Variants in PRKG1 observed in about 807,000 individuals in gnomAD.
The protein encoded by PRKG1 is cGMP-dependent protein kinase 1.
PRKG1 carries 35 observed loss-of-function variants against 88.1 expected under a neutral mutation model. The ratio of observed to expected loss-of-function variants is 0.40; its 90% CI spans 0.30 to 0.53. The LOEUF (loss-of-function observed/expected upper bound fraction) is 0.53. PRKG1 is among the 20% of genes least tolerant of loss of function. The probability of loss-of-function intolerance (pLI) is 0.59; values close to 1 mark genes in which losing one functional copy is unlikely to be tolerated. For synonymous variants in PRKG1, 303 were observed against 292.5 expected, an observed-to-expected ratio of 1.04 and a Z score of -0.37; for missense variants, 540 against 839.8, an observed-to-expected ratio of 0.64 and a Z score of 4.41.
chr10:51,320,267 A>T (rs1489750325), intron 2 of PRKG1: 1 of 167,174 alleles, frequency 6.0e-6, no homozygotes, highest in Admixed American at 6.4e-5. Flanking sequence ...AATGATTTTA[A>T]AATCCTGCAA....
chr10:51,777,979 G>T (rs969558162), intron 3 of PRKG1, among the ~76,000 whole-genome samples: 21 of 152,078 alleles, frequency 1.4e-4, no homozygotes, highest in African/African-American at 4.3e-4. Flanking sequence ...TCCATTGTTT[G>T]GTTGTACCAT....
At chr10:51,163,759 G>T (rs1039535430) in intron 2 of PRKG1, among the ~76,000 whole-genome samples, 81 of 152,350 alleles carry the variant, frequency 5.3e-4, no homozygotes, top group African/African-American at 1.9e-3. Context: ...CACCTGGCTG[G>T]GAGGGTCCTA....
At chr10:51,338,358 C>T (rs1841926663) in intron 2 of PRKG1, among the ~76,000 whole-genome samples, 1 of 152,156 alleles carries the variant, frequency 6.6e-6, no homozygotes, top group Non-Finnish European at 1.5e-5. Context: ...CCATGGCACA[C>T]ATTTACCTAC....
At chr10:51,261,982 G>C (rs1839720999) in intron 2 of PRKG1, among the ~76,000 whole-genome samples, 1 of 149,496 alleles carries the variant, frequency 6.7e-6, no homozygotes, top group African/African-American at 2.5e-5. Flanking sequence ...TGCCTCCCGG[G>C]TTCACGCCAC....
intron 3 of PRKG1, among the ~76,000 whole-genome samples, chr10:51,531,637 CTTTTTTTTTT>C (rs34091409): frequency 3.7e-3 from 248 of 67,874 alleles, no homozygotes; most frequent in African/African-American, 0.014. Flanking sequence ...AAAAAGAATT[CTTTTTTTTTT>C]TTTTTTTTTT....
intron 12 of PRKG1, among the ~76,000 whole-genome samples, chr10:52,279,150 C>T (rs576497537): frequency 6.6e-6 from 1 of 151,922 alleles, no homozygotes; most frequent in Non-Finnish European, 1.5e-5. Flanking sequence ...TAATTAAGGG[C>T]GAAGAAGAAA....
chr10:51,205,079 C>G (rs140626755), intron 2 of PRKG1, among the ~76,000 whole-genome samples: 2 of 141,480 alleles, frequency 1.4e-5, no homozygotes, highest in African/African-American at 2.6e-5. Context: ...ATTATCCCCT[C>G]TATTAAACCT....
chr10:51,115,521 A>AG (rs1845100035), intron 1 of PRKG1, among the ~76,000 whole-genome samples: 1 of 150,522 alleles, frequency 6.6e-6, no homozygotes, highest in Non-Finnish European at 1.5e-5. Context: ...AATGAATGTG[A>AG]GGGGGTAATT....
chr10:52,245,902 T>A (rs1316101214), intron 9 of PRKG1, among the ~76,000 whole-genome samples: 2 of 152,058 alleles, frequency 1.3e-5, no homozygotes, highest in Non-Finnish European at 2.9e-5. Context: ...TTCTGTTGGC[T>A]CTGAATTACC....
chr10:52,187,507 A>G (rs2132744663), intron 9 of PRKG1, among the ~76,000 whole-genome samples: 1 of 152,306 alleles, frequency 6.6e-6, no homozygotes, highest in African/African-American at 2.4e-5. Flanking sequence ...TGAGTAGGCT[A>G]CAGGCAAAAA....
intron 4 of PRKG1, among the ~76,000 whole-genome samples, chr10:51,896,715 A>G (rs992057859): frequency 6.6e-6 from 1 of 151,686 alleles, no homozygotes; most frequent in African/African-American, 2.4e-5. Flanking sequence ...TGGCCAAAAC[A>G]TAGTTAATAA....
At chr10:51,908,735 T>TCTATCTATCTATCTATATATATA (rs778365205) in intron 5 of PRKG1, 2 of 77,828 alleles carry the variant, frequency 2.6e-5, no homozygotes, top group African/African-American at 5.0e-5. Flanking sequence ...CTATATGTAA[T>TCTATCTATCTATCTATATATATA]TTTTTTTTTT....
intron 2 of PRKG1, among the ~76,000 whole-genome samples, chr10:51,437,746 G>C (rs904598527): frequency 2.6e-5 from 4 of 151,108 alleles, no homozygotes; most frequent in African/African-American, 9.7e-5. Flanking sequence ...CTAAATCAGT[G>C]GTTCTTAAAC....
intron 3 of PRKG1, among the ~76,000 whole-genome samples, chr10:51,791,047 A>G (rs1838858308): frequency 6.6e-6 from 1 of 152,160 alleles, no homozygotes; most frequent in Non-Finnish European, 1.5e-5. Context: ...TCTAATTACT[A>G]GTCTTAATTC....
At chr10:52,255,988 T>C (rs1357671088) in intron 10 of PRKG1, among the ~76,000 whole-genome samples, 3 of 149,098 alleles carry the variant, frequency 2.0e-5, no homozygotes, top group African/African-American at 4.9e-5. Context: ...ATCCACATTT[T>C]ACAGGAAAGA....
intron 1 of PRKG1, among the ~76,000 whole-genome samples, chr10:50,992,237 G>A (rs1016423746): frequency 2.0e-5 from 3 of 151,908 alleles, no homozygotes; most frequent in Admixed American, 1.3e-4. Context: ...CTAGGGCAGG[G>A]ATCCAGCCTG....
intron 7 of PRKG1, among the ~76,000 whole-genome samples, chr10:52,096,328 G>A (rs906137312): frequency 6.6e-6 from 1 of 152,082 alleles, no homozygotes; most frequent in South Asian, 2.1e-4. Context: ...TGATGAATGG[G>A]TAGCACTGGC....
intron 1 of PRKG1, among the ~76,000 whole-genome samples, chr10:51,035,382 C>T (rs1405675449): frequency 6.6e-6 from 1 of 152,134 alleles, no homozygotes; most frequent in Non-Finnish European, 1.5e-5. Context: ...TCTCAACGTT[C>T]TGTCATTTCA....
In PRKG1 at chr10:51,789,327, G is replaced by A. The variant is rs148121994; in HGVS notation, c.593-15258G>A. ...GCAGGAAATTGTGTCATCATGAGAGGGTTGCCACAAACTCTATCTCAGTAG... is the reference window on the plus strand; with the variant it reads ...GCAGGAAATTGTGTCATCATGAGAGAGTTGCCACAAACTCTATCTCAGTAG... On this transcript the variant is annotated intron_variant, in intron 3 of 17. Coordinates refer to ENST00000373980, the MANE Select transcript of PRKG1 (RefSeq NM_006258.4). Among the ~76,000 whole-genome samples, 497 of 152,240 alleles carry A rather than the reference G, an allele frequency of 3.3e-3. 2 individuals are homozygous for A. The highest frequency in any genetic ancestry group is 5.3e-3 in the Admixed American group (81 of 15,278).
Sources: allele counts gnomAD v4.1 joint callset (sites outside exome capture counted in the v4.1 genomes callset), GRCh38; gene constraint gnomAD v4.1.1; transcripts MANE v1.5; gene names NCBI Gene and HGNC (gene_info 2026-07-23, HGNC 2026-07-21).